The following SH3GL2 variants were observed in gnomAD, a reference collection of about 807,000 sequenced individuals.
SH3GL2 encodes the protein endophilin-A1.
A neutral mutation model predicts 46.0 loss-of-function variants in SH3GL2; 24 were observed. That is an observed-to-expected ratio of 0.52 (90% CI 0.38 to 0.73). SH3GL2 has a LOEUF of 0.73. SH3GL2 is among the 30% of genes least tolerant of loss of function. The pLI is 0.00. For synonymous variants in SH3GL2, 196 were observed against 147.1 expected, an observed-to-expected ratio of 1.33 and a Z score of -2.40; for missense variants, 413 against 424.2, an observed-to-expected ratio of 0.97 and a Z score of 0.23.
In SH3GL2 at chr9:17,680,137, G is replaced by C. The variant is rs1302496303; in HGVS notation, c.46-66929G>C. Reference sequence around the variant, plus strand: ...CGGCTTTGGTATCAGGATGATGCTGGCCTCATAAAATGAGTTAGGGAGGAT... The same window carrying C: ...CGGCTTTGGTATCAGGATGATGCTGCCCTCATAAAATGAGTTAGGGAGGAT... On this transcript the variant is annotated intron_variant, in intron 1 of 8. Transcript: ENST00000380607. 2.0e-5 allele frequency among the ~76,000 whole-genome samples: 3 copies of C among 152,136 alleles called. No homozygotes were observed. In the East Asian group the frequency reaches 5.8e-4, roughly 29 times the overall value.
chr9:17,641,953 C>G (rs1395240321), intron 1 of SH3GL2, among the ~76,000 whole-genome samples: 1 of 152,082 alleles, frequency 6.6e-6, no homozygotes, highest in Non-Finnish European at 1.5e-5. Flanking sequence ...TGGGTATATA[C>G]CCACTAATGG....
chr9:17,641,656 G>A (rs1819686046), intron 1 of SH3GL2, among the ~76,000 whole-genome samples: 2 of 152,160 alleles, frequency 1.3e-5, no homozygotes, highest in Non-Finnish European at 2.9e-5. Flanking sequence ...TGTTCTCATT[G>A]TTCAACACCC....
chr9:17,672,862 G>A (rs1466832690), intron 1 of SH3GL2, among the ~76,000 whole-genome samples: 1 of 152,094 alleles, frequency 6.6e-6, no homozygotes, highest in Admixed American at 6.5e-5. Flanking sequence ...CATACCTCCA[G>A]CCTCATTCTG....
intron 3 of SH3GL2, among the ~76,000 whole-genome samples, chr9:17,769,571 A>G (rs561987607): frequency 1.6e-4 from 25 of 152,048 alleles, no homozygotes; most frequent in African/African-American, 6.0e-4. Context: ...ACTCTTCTCC[A>G]GCTCCTGTTA....
intron 1 of SH3GL2, among the ~76,000 whole-genome samples, chr9:17,644,600 C>A (rs1001800526): frequency 1.6e-4 from 25 of 152,144 alleles, no homozygotes; most frequent in Admixed American, 6.5e-4. Flanking sequence ...CATTCAGGAG[C>A]AGGTTGTTCA....
intron 7 of SH3GL2, among the ~76,000 whole-genome samples, chr9:17,791,937 T>C (rs1438079718): frequency 1.3e-5 from 2 of 152,256 alleles, no homozygotes; most frequent in African/African-American, 2.4e-5. Context: ...CGTGTGAATG[T>C]GGCTCCGTGG....
At chr9:17,674,627 A>G (rs1474340220) in intron 1 of SH3GL2, among the ~76,000 whole-genome samples, 2 of 152,142 alleles carry the variant, frequency 1.3e-5, no homozygotes. Flanking sequence ...AGTTGGGCTC[A>G]GCTGGATGTT....
chr9:17,752,657 C>G (rs1294520978), intron 2 of SH3GL2, among the ~76,000 whole-genome samples: 8 of 152,048 alleles, frequency 5.3e-5, no homozygotes. Context: ...ACCACCATGC[C>G]TGCCTAATTT....
At chr9:17,592,262 C>T (rs149314775) in intron 1 of SH3GL2, among the ~76,000 whole-genome samples, 12 of 152,320 alleles carry the variant, frequency 7.9e-5, no homozygotes, top group Non-Finnish European at 1.8e-4. Context: ...GGCCCTCAAG[C>T]GATTGGATGT....
intron 1 of SH3GL2, among the ~76,000 whole-genome samples, chr9:17,592,819 C>G (rs182641960): frequency 6.6e-6 from 1 of 152,202 alleles, no homozygotes; most frequent in Admixed American, 6.5e-5. Flanking sequence ...CTGGGGACTC[C>G]TATAGCTTCA....
intron 2 of SH3GL2, among the ~76,000 whole-genome samples, chr9:17,757,883 C>T (rs976828654): frequency 1.3e-5 from 2 of 152,124 alleles, no homozygotes; most frequent in African/African-American, 2.4e-5. Context: ...CTGCCAAGTG[C>T]ATAACAAGGC....
intron 1 of SH3GL2, among the ~76,000 whole-genome samples, chr9:17,600,063 G>A (rs1315479648): frequency 6.6e-6 from 1 of 151,396 alleles, no homozygotes; most frequent in Non-Finnish European, 1.5e-5. Flanking sequence ...CTCTTCCTGC[G>A]TTTGGCTTTC....
intron 1 of SH3GL2, among the ~76,000 whole-genome samples, chr9:17,655,814 A>G (rs1820061452): frequency 6.6e-6 from 1 of 152,148 alleles, no homozygotes; most frequent in African/African-American, 2.4e-5. Flanking sequence ...GGGTTACCCT[A>G]CTCATCCCTG....
At chr9:17,777,618 G>C (rs1375935858) in intron 3 of SH3GL2, among the ~76,000 whole-genome samples, 1 of 151,050 alleles carries the variant, frequency 6.6e-6, no homozygotes, top group East Asian at 1.9e-4. Context: ...TCTGATGAGG[G>C]CTCTCTTCCT....
chr9:17,747,048 T>C lies in SH3GL2; in HGVS notation c.46-18T>C, dbSNP rs377541799. The C allele has an allele frequency of 2.1e-4, 319 of 1,544,696 alleles. 2 individuals are homozygous for C. The South Asian group carries it at 2.2e-3, about 11-fold the overall frequency. On this transcript the variant is annotated intron_variant, in intron 1 of 8. Transcript: ENST00000380607. ...GAAACTGTTTATAATAATTCTCCTTTGTGGTTATTTTCTACAGAAAGTGAG... is the reference window on the plus strand; with the variant it reads ...GAAACTGTTTATAATAATTCTCCTTCGTGGTTATTTTCTACAGAAAGTGAG...
chr9:17,637,625 TTG>T (rs1819570189), intron 1 of SH3GL2, among the ~76,000 whole-genome samples: 1 of 152,242 alleles, frequency 6.6e-6, no homozygotes. Flanking sequence ...CCTGTTTCTT[TTG>T]TTTACTAGCC....
At chr9:17,690,696 C>G (rs916116137) in intron 1 of SH3GL2, among the ~76,000 whole-genome samples, 1 of 152,130 alleles carries the variant, frequency 6.6e-6, no homozygotes, top group Non-Finnish European at 1.5e-5. Flanking sequence ...CCATTCTTTC[C>G]TAGCCCGTCA....
At chr9:17,592,941 C>T (rs1036924627) in intron 1 of SH3GL2, among the ~76,000 whole-genome samples, 2 of 152,114 alleles carry the variant, frequency 1.3e-5, no homozygotes, top group African/African-American at 2.4e-5. Flanking sequence ...CACCAAAGGC[C>T]GGTGATTTAA....
At chr9:17,704,198 C>G (rs1292808282) in intron 1 of SH3GL2, among the ~76,000 whole-genome samples, 1 of 151,862 alleles carries the variant, frequency 6.6e-6, no homozygotes, top group African/African-American at 2.4e-5. Context: ...ACAATAGCCA[C>G]AAAAAGAATA....
Sources: gnomAD v4.1 joint callset for allele counts (sites outside exome capture counted in the v4.1 genomes callset) on GRCh38, gnomAD v4.1.1 for gene constraint, MANE v1.5 for transcripts, NCBI Gene and HGNC (gene_info 2026-07-23, HGNC 2026-07-21) for gene names.